Variants in IGDCC4 observed in about 807,000 individuals in gnomAD.
The protein encoded by IGDCC4 is likely ortholog of mouse neighbor of Punc E11.
Under a neutral mutation model 116.6 loss-of-function variants are expected in IGDCC4, and 72 were observed. The observed-to-expected ratio is 0.62, with a 90% CI of 0.51 to 0.75. The LOEUF is 0.75. Among genes scored for constraint, IGDCC4 ranks in the 30% least tolerant of loss-of-function variants. IGDCC4 has a pLI of 0.00. For synonymous variants in IGDCC4, 709 were observed against 719.9 expected (o/e 0.98, Z 0.24); for missense variants, 1,501 against 1,662.4 (o/e 0.90, Z 1.69).
Position 65,395,845 on chromosome 15 carries a change from G to A in IGDCC4, c.1316C>T (p.Pro439Leu). 1 of 1,573,554 alleles carries A rather than the reference G, an allele frequency of 6.4e-7. No individual in the cohort carries two copies. Among genetic ancestry groups the A allele is most frequent in the Non-Finnish European group, 8.6e-7 (1 of 1,166,128 alleles). The change falls in exon 7 of 20, where the codon CCA becomes CTA. Residue 439 changes from proline (P) to leucine (L), a missense_variant. By Grantham distance (98) the Pro-to-Leu change is moderately conservative. Around this residue, in one of 3 missense-constraint regions of IGDCC4, gnomAD observed 898 missense variants for 978.9 expected, o/e 0.92. Coordinates refer to ENST00000352385, the MANE Select transcript of IGDCC4 (RefSeq NM_020962.3). ...CACCAACACAGCGGAGCTGCTCAGT[G>A]GCGTAGCAGTGACCCGCGTGGGGGC... ...PSAPTRVTAT[P>L]LSSSAVLVAW...
rs979886642 is a variant in IGDCC4, at chr15:65,383,930, T to C, written c.*79A>G. 1.5e-6 allele frequency: 2 copies of C among 1,344,568 alleles called. No homozygotes were observed. Among genetic ancestry groups the C allele is most frequent in the East Asian group, 2.4e-5 (1 of 41,032 alleles). 83.3% of individuals were successfully genotyped at this position (1,344,568 alleles called of 1,614,324 possible). A position where few individuals can be genotyped will look rare whatever the true frequency, so the allele number is the denominator to read the frequency against. On this transcript the variant is annotated 3_prime_UTR_variant, in exon 20 of 20. Transcript: ENST00000352385. Reference sequence around the variant, plus strand: ...TTGATGATGTATCTACAGGCACACATGTGGACATACACGGCCACAGGTATC... The same window carrying C: ...TTGATGATGTATCTACAGGCACACACGTGGACATACACGGCCACAGGTATC...
At chr15:65,401,842 C>T (rs1206148263) in intron 4 of IGDCC4, among the ~76,000 whole-genome samples, 2 of 152,168 alleles carry the variant, frequency 1.3e-5, no homozygotes, top group Admixed American at 6.5e-5. Flanking sequence ...AAAGACTGTG[C>T]CCTTCCTAAT....
chr15:65,391,516 A>G (rs2140197779), intron 12 of IGDCC4, among the ~76,000 whole-genome samples: 1 of 152,294 alleles, frequency 6.6e-6, no homozygotes, highest in Non-Finnish European at 1.5e-5. Context: ...GACTTGAGAG[A>G]TAGTCTGATA....
Position 65,385,972 on chromosome 15 carries a change from TG to T in IGDCC4, c.3038del (p.Pro1013GlnfsTer57). ...SRARLGPPSPPAAHELESLVH... is the reference protein window; with the variant it reads ...SRARLGPPSPXAAHELESLVH... ...CAAGGGACTCCAATTCATGGGCAGC[TG>T]GGGGGCTGGGGGGGCCAAGCCGAGC... On this transcript the variant is annotated frameshift_variant, in exon 18 of 20. Coordinates refer to ENST00000352385, the MANE Select transcript of IGDCC4 (RefSeq NM_020962.3). LOFTEE classifies it high-confidence loss of function. The T allele has an allele frequency of 8.8e-7, 1 of 1,142,254 alleles. No individual in the cohort carries two copies. The highest frequency in any genetic ancestry group is 1.2e-6 in the Non-Finnish European group (1 of 868,162). 70.8% of individuals were successfully genotyped at this position (1,142,254 alleles called of 1,614,324 possible).
In IGDCC4 at chr15:65,393,048, G is replaced by A. The variant is rs535555581; in HGVS notation, c.1885+313C>T. Among the ~76,000 whole-genome samples, 8 of 152,204 alleles carry A rather than the reference G, an allele frequency of 5.3e-5. No individual in the cohort carries two copies. The East Asian group carries it at 9.7e-4, about 18-fold the overall frequency. On this transcript the variant is annotated intron_variant, in intron 10 of 19. Coordinates refer to ENST00000352385, the MANE Select transcript of IGDCC4 (RefSeq NM_020962.3). The surrounding 1 kb of genome is among the most constrained non-coding windows in gnomAD (Gnocchi z 4.6). The stretch of plus-strand genomic sequence containing the variant: ...AACAATCATCATCACCATCATCCTC[G>A]AAGCAGCTACAATTCAATGAGTTTT...
At position 65,388,391 on chromosome 15, in the gene IGDCC4, C is replaced by T. The variant is rs189426939; in HGVS notation, c.2845+58G>A. On this transcript the variant is annotated intron_variant, in intron 16 of 19. Coordinates refer to ENST00000352385, the MANE Select transcript of IGDCC4 (RefSeq NM_020962.3). Reference sequence around the variant, plus strand: ...CAAAACAATGAAATTGTAGTTGTGTCCACAGGCAGGGGCTTGGAAGTCAAT... The same window carrying T: ...CAAAACAATGAAATTGTAGTTGTGTTCACAGGCAGGGGCTTGGAAGTCAAT... The T allele has an allele frequency of 6.8e-6, 11 of 1,609,050 alleles. No individual in the cohort carries two copies. The Admixed American group carries it at 1.8e-4, about 27-fold the overall frequency.
Position 65,388,904 on chromosome 15 carries a change from G to T in IGDCC4, c.2611C>A (p.Pro871Thr). 1 of 1,613,862 alleles carries T rather than the reference G, an allele frequency of 6.2e-7. No homozygotes were observed. The highest frequency in any genetic ancestry group is 8.5e-7 in the Non-Finnish European group (1 of 1,179,982). Residue 871 changes from proline (P) to threonine (T), a missense_variant, in exon 15 of 20, where the codon CCC becomes ACC. Coordinates refer to ENST00000352385, the MANE Select transcript of IGDCC4 (RefSeq NM_020962.3). ...ACGATCTCCCCGTTGGGCTCTGTGG[G>T]GGGGCACCAGTGCAGCCGAACCGTG... Reference protein sequence around the residue: ...PSTVRLHWCPPTEPNGEIVEY... With the variant: ...PSTVRLHWCPTTEPNGEIVEY...
Position 65,396,132 on chromosome 15 carries a change from C to A in IGDCC4, c.1029G>T (p.Ala343=). ...AAPAITQAPE[A]LSRTRASTAR... ...CTGTGCTCGCCCGCGTCCGCGACAG[C>A]GCCTCGGGCGCCTGAGTGATGGCGG... The change falls in exon 7 of 20, where the codon GCG becomes GCT. Residue 343 remains alanine (A), a synonymous_variant. Coordinates refer to ENST00000352385, the MANE Select transcript of IGDCC4 (RefSeq NM_020962.3). The A allele has an allele frequency of 6.8e-7, 1 of 1,464,670 alleles. No individual in the cohort carries two copies. Among genetic ancestry groups the A allele is most frequent in the Non-Finnish European group, 9.0e-7 (1 of 1,115,358 alleles). The allele number at this position is 1,464,670 out of a possible 1,614,324, so 90.7% of individuals were successfully genotyped here.
At chr15:65,392,008 C>A (rs1424876820) in intron 11 of IGDCC4, 27 bp from the exon 12 acceptor site, 11 of 1,585,530 alleles carry the variant, frequency 6.9e-6, no homozygotes, top group Non-Finnish European at 8.6e-6. Context: ...GGCTTAATGG[C>A]TAGGGGGACA....
Position 65,388,890 on chromosome 15 carries a change from G to A in IGDCC4, c.2625C>T (p.Asn875=), listed in dbSNP as rs750032193. ...RLHWCPPTEP[N]GEIVEYLILY... ...GGATCAGATACTCCACGATCTCCCC[G>A]TTGGGCTCTGTGGGGGGGCACCAGT... Residue 875 remains asparagine (N), a synonymous_variant, in exon 15 of 20, where the codon AAC becomes AAT. Coordinates refer to ENST00000352385, the MANE Select transcript of IGDCC4 (RefSeq NM_020962.3). The A allele has an allele frequency of 6.8e-6, 11 of 1,613,902 alleles. No individual in the cohort carries two copies. Among genetic ancestry groups the A allele is most frequent in the African/African-American group, 1.3e-5 (1 of 75,032 alleles).
chr15:65,396,106 G>A lies in IGDCC4; in HGVS notation c.1055C>T (p.Ala352Val), dbSNP rs546982667. The A allele has an allele frequency of 1.2e-5, 17 of 1,420,224 alleles. No homozygotes were observed. In the South Asian group the frequency reaches 1.8e-4, roughly 15 times the overall value. 88.0% of individuals were successfully genotyped at this position (1,420,224 alleles called of 1,614,324 possible). ...CCCCGACGCGCGGCACACGAAGCGC[G>A]CTGTGCTCGCCCGCGTCCGCGACAG... The part of the protein sequence containing the change: ...EALSRTRAST[A>V]RFVCRASGEP... The change falls in exon 7 of 20, where the codon GCG (alanine) becomes GTG (valine). Residue 352 changes from alanine (A) to valine (V), a missense_variant. By Grantham distance (64) the Ala-to-Val change is moderately conservative. Coordinates refer to ENST00000352385, the MANE Select transcript of IGDCC4 (RefSeq NM_020962.3).
chr15:65,422,730 A>T (rs1397499615), intron 1 of IGDCC4, 63 bp downstream of exon 1: 74 of 1,255,256 alleles, frequency 5.9e-5, no homozygotes, highest in East Asian at 2.0e-4. Flanking sequence ...CCCGATGCAG[A>T]CCAGGGCGCG....
chr15:65,401,609 T>G (rs2062987263), intron 4 of IGDCC4, among the ~76,000 whole-genome samples: 10 of 134,036 alleles, frequency 7.5e-5, no homozygotes, highest in East Asian at 2.4e-4. Flanking sequence ...GTGCAGAGAG[T>G]GGGTGGGAGG....
At chr15:65,415,874 A>C (rs2063137786) in intron 1 of IGDCC4, among the ~76,000 whole-genome samples, 1 of 152,086 alleles carries the variant, frequency 6.6e-6, no homozygotes, top group Non-Finnish European at 1.5e-5. Context: ...TAAGTCTCAC[A>C]CTGAAAACCA....
Position 65,396,092 on chromosome 15 carries a change from G to A in IGDCC4, c.1069C>T (p.Arg357Cys). 3 of 1,384,980 alleles carry A rather than the reference G, an allele frequency of 2.2e-6. No homozygotes were observed. The highest frequency in any genetic ancestry group is 3.0e-5 in the East Asian group (1 of 32,896). The allele number at this position is 1,384,980 out of a possible 1,614,324, so 85.8% of individuals were successfully genotyped here. Residue 357 changes from arginine (R) to cysteine (C), a missense_variant, in exon 7 of 20, where the codon CGC becomes TGC. Transcript: ENST00000352385. ...TRASTARFVC[R>C]ASGEPRPALR... is the part of the protein sequence containing the mutation. ...GCTGGCCGCGGCTCCCCCGACGCGC[G>A]GCACACGAAGCGCGCTGTGCTCGCC...
intron 16 of IGDCC4, among the ~76,000 whole-genome samples, chr15:65,387,328 G>T (rs2140190863): frequency 6.6e-6 from 1 of 151,718 alleles, no homozygotes; most frequent in East Asian, 1.9e-4. Context: ...AAGCCACCAT[G>T]CCCGACCTCT....
chr15:65,411,092 C>T lies in IGDCC4; in HGVS notation c.349G>A (p.Gly117Ser), dbSNP rs746582007. The T allele has an allele frequency of 1.9e-6, 3 of 1,614,224 alleles. No individual in the cohort carries two copies. The South Asian group carries it at 3.3e-5, about 18-fold the overall frequency. ...CCGTGGGCTAGGCACGAATAGTTGCCTTCAATGACCCCCACAGCCTCAGGG... is the reference window on the plus strand; with the variant it reads ...CCGTGGGCTAGGCACGAATAGTTGCTTTCAATGACCCCCACAGCCTCAGGG... ...SVPEAVGVIE[G>S]NYSCLAHGPL... The change falls in exon 2 of 20, where the codon GGC becomes AGC. Residue 117 changes from glycine (G) to serine (S), a missense_variant. Coordinates refer to ENST00000352385, the MANE Select transcript of IGDCC4 (RefSeq NM_020962.3).
At position 65,422,870 on chromosome 15, in the gene IGDCC4, G is replaced by A. The variant is rs927004117; in HGVS notation, c.-8C>T. ...GGCGTCCCCCCGCGCCATGGGGCTG[G>A]GCTCGGGCCGCCGCCGCCGCCGCCG... On this transcript the variant is annotated 5_prime_UTR_variant, in exon 1 of 20. Coordinates refer to ENST00000352385, the MANE Select transcript of IGDCC4 (RefSeq NM_020962.3). 7 of 1,131,758 alleles carry A rather than the reference G, an allele frequency of 6.2e-6. No individual in the cohort carries two copies. The highest frequency in any genetic ancestry group is 7.6e-6 in the Non-Finnish European group (7 of 923,008). The allele number at this position is 1,131,758 out of a possible 1,614,324, so 70.1% of individuals were successfully genotyped here. A position where few individuals can be genotyped will look rare whatever the true frequency, so the allele number is the denominator to read the frequency against.
rs1312068825 is a variant in IGDCC4 at position 65,384,192 on chromosome 15, T to C, written c.3570A>G (p.Ala1190=). The stretch of plus-strand genomic sequence containing the variant: ...AGGTAAGTCTGTCTGGCCCGGGGGC[T>C]GCCAGCTCACACCCTCCCAACTCCC... ...LDRELGGCEL[A]APGPDRLTCL... Residue 1190 remains alanine (A), a synonymous_variant, in exon 20 of 20, where the codon GCA becomes GCG. Transcript: ENST00000352385. This position sits in a 1 kb window ranked among gnomAD's most constrained non-coding sequence, Gnocchi z 4.9. 2.2e-5 allele frequency: 35 copies of C among 1,611,500 alleles called. No homozygotes were observed. Among genetic ancestry groups the C allele is most frequent in the Non-Finnish European group, 2.8e-5 (33 of 1,178,324 alleles).
Sources: allele counts gnomAD v4.1 joint callset (sites outside exome capture counted in the v4.1 genomes callset), GRCh38; gene constraint gnomAD v4.1.1; regional missense constraint gnomAD v4.1.1; non-coding constraint Gnocchi (gnomAD v3.1); transcripts MANE v1.5; gene names NCBI Gene and HGNC (gene_info 2026-07-23, HGNC 2026-07-21).